FCHSD2: variants seen among roughly 807,000 people sequenced by gnomAD.
The protein encoded by FCHSD2 is F-BAR and double SH3 domains protein 2.
A neutral mutation model predicts 108.1 loss-of-function variants in FCHSD2; 38 were observed. The observed-to-expected ratio is 0.35, with a 90% CI of 0.27 to 0.46. The LOEUF is 0.46. FCHSD2 is among the 20% of genes least tolerant of loss of function. The probability of loss-of-function intolerance (pLI) is 1.00; values close to 1 mark genes in which losing one functional copy is unlikely to be tolerated. For missense variants in FCHSD2, 751 were observed against 897.8 expected (o/e 0.84, Z 2.09); for synonymous variants, 279 against 314.7 (o/e 0.89, Z 1.20).
chr11:73,108,659 C>A (rs923490214), intron 2 of FCHSD2, among the ~76,000 whole-genome samples: 1 of 152,160 alleles, frequency 6.6e-6, no homozygotes, highest in South Asian at 2.1e-4. Context: ...AGCTCCGCTT[C>A]CCGGGTTCAC....
At chr11:72,869,811 T>C (rs1854812638) in intron 12 of FCHSD2, among the ~76,000 whole-genome samples, 1 of 152,140 alleles carries the variant, frequency 6.6e-6, no homozygotes, top group Non-Finnish European at 1.5e-5. Context: ...TTCTAACCCA[T>C]TTCCTGGACT....
intron 8 of FCHSD2, among the ~76,000 whole-genome samples, chr11:72,959,851 A>AGGGT (rs1555063740): frequency 5.8e-5 from 4 of 69,468 alleles, no homozygotes; most frequent in African/African-American, 1.7e-4. Flanking sequence ...TTAAGTTTCT[A>AGGGT]GGGTGTGTGT....
intron 3 of FCHSD2, among the ~76,000 whole-genome samples, chr11:73,030,948 C>G (rs962116163): frequency 6.6e-6 from 1 of 151,754 alleles, no homozygotes; most frequent in African/African-American, 2.4e-5. Flanking sequence ...TATTTTTTAT[C>G]CTTTGACCTA....
intron 3 of FCHSD2, among the ~76,000 whole-genome samples, chr11:73,073,895 A>G (rs1003427303): frequency 1.6e-4 from 24 of 152,118 alleles, no homozygotes; most frequent in Non-Finnish European, 1.8e-4. Flanking sequence ...TTAAGATATC[A>G]GTTCCCCCTA....
chr11:72,934,110 GAA>G (rs375464183), intron 8 of FCHSD2, among the ~76,000 whole-genome samples: 188 of 50,878 alleles, frequency 3.7e-3, no homozygotes, highest in African/African-American at 0.015. Flanking sequence ...CACTGTCTCA[GAA>G]AAAAAAAAAA....
intron 2 of FCHSD2, among the ~76,000 whole-genome samples, chr11:73,119,157 C>G (rs1860673361): frequency 6.6e-6 from 1 of 151,926 alleles, no homozygotes; most frequent in South Asian, 2.1e-4. Flanking sequence ...CAAAAATTAG[C>G]CAGGCATAGT....
chr11:73,075,834 G>A (rs558618112), intron 3 of FCHSD2, among the ~76,000 whole-genome samples: 3 of 151,804 alleles, frequency 2.0e-5, no homozygotes, highest in East Asian at 1.9e-4. Context: ...CATTAAACAC[G>A]GGGGCCAGGC....
At chr11:73,070,343 T>C (rs1020174338) in intron 3 of FCHSD2, among the ~76,000 whole-genome samples, 1 of 152,194 alleles carries the variant, frequency 6.6e-6, no homozygotes, top group African/African-American at 2.4e-5. Flanking sequence ...AGCCTATATA[T>C]CCCAACCTTC....
intron 3 of FCHSD2, among the ~76,000 whole-genome samples, chr11:73,046,889 T>C (rs1267835095): frequency 6.6e-6 from 1 of 152,168 alleles, no homozygotes; most frequent in Admixed American, 6.6e-5. Context: ...AGTCACAGTA[T>C]TGCTTTAAAC....
intron 1 of FCHSD2, chr11:73,141,370 T>C (rs868412929): frequency 6.4e-6 from 1 of 155,246 alleles, no homozygotes; most frequent in African/African-American, 2.4e-5. Context: ...GGCCGCCCCG[T>C]GGGAAAAGCA....
intron 9 of FCHSD2, among the ~76,000 whole-genome samples, chr11:72,909,020 G>A (rs192816074): frequency 2.6e-5 from 4 of 151,942 alleles, no homozygotes; most frequent in African/African-American, 4.8e-5. Context: ...TTTTTAAATC[G>A]AATTATTAAA....
intron 4 of FCHSD2, among the ~76,000 whole-genome samples, chr11:73,010,221 G>A (rs963610443): frequency 6.6e-6 from 1 of 152,032 alleles, no homozygotes; most frequent in Non-Finnish European, 1.5e-5. Context: ...TTCATTCAAT[G>A]AATTCTTCCA....
chr11:73,030,719 C>A (rs1019659174), intron 3 of FCHSD2, among the ~76,000 whole-genome samples: 3 of 152,088 alleles, frequency 2.0e-5, no homozygotes, highest in African/African-American at 4.8e-5. Context: ...TTAAGACGTA[C>A]AACATGAAAT....
intron 12 of FCHSD2, among the ~76,000 whole-genome samples, chr11:72,871,921 C>T (rs561692717): frequency 3.7e-4 from 56 of 152,076 alleles, no homozygotes; most frequent in Admixed American, 1.4e-3. Context: ...CCTCCGAATT[C>T]TCTGCTTGGG....
intron 8 of FCHSD2, among the ~76,000 whole-genome samples, chr11:72,965,317 G>C (rs924837550): frequency 3.9e-5 from 6 of 152,104 alleles, no homozygotes; most frequent in African/African-American, 1.4e-4. Flanking sequence ...CTGTCTTCCA[G>C]GAAAACTAAA....
At chr11:73,109,974 T>C (rs1367185780) in intron 2 of FCHSD2, among the ~76,000 whole-genome samples, 1 of 152,376 alleles carries the variant, frequency 6.6e-6, no homozygotes, top group South Asian at 2.1e-4. Flanking sequence ...TCATTCTTGA[T>C]ACGATGTATC....
chr11:73,050,428 A>G (rs973181040), intron 3 of FCHSD2, among the ~76,000 whole-genome samples: 6 of 152,256 alleles, frequency 3.9e-5, no homozygotes, highest in Non-Finnish European at 5.9e-5. Context: ...TAAACCATAT[A>G]GAAAGAATAT....
intron 2 of FCHSD2, among the ~76,000 whole-genome samples, chr11:73,099,079 A>G (rs1393447050): frequency 6.6e-6 from 1 of 152,070 alleles, no homozygotes; most frequent in African/African-American, 2.4e-5. Flanking sequence ...AGTCGGAGGT[A>G]GTGGTACATG....
At chr11:72,855,471 A>T (rs1449350998) in intron 13 of FCHSD2, among the ~76,000 whole-genome samples, 1 of 152,036 alleles carries the variant, frequency 6.6e-6, no homozygotes, top group Non-Finnish European at 1.5e-5. Flanking sequence ...GTGAGACTCC[A>T]TCTCAAAAAA....
Sources: allele counts gnomAD v4.1 joint callset (sites outside exome capture counted in the v4.1 genomes callset), GRCh38; gene constraint gnomAD v4.1.1; transcripts MANE v1.5; gene names NCBI Gene and HGNC (gene_info 2026-07-23, HGNC 2026-07-21).